The following NXPE2 variants were observed in gnomAD, a reference collection of about 807,000 sequenced individuals.
The protein encoded by NXPE2 is NXPE family member 2.
Under a neutral mutation model 34.4 loss-of-function variants are expected in NXPE2, and 34 were observed. The observed-to-expected ratio is 0.99, with a 90% CI of 0.75 to 1.31. The LOEUF (loss-of-function observed/expected upper bound fraction) is 1.31, where lower values mean the gene tolerates loss of function less well. Ranked by LOEUF, NXPE2 falls within the 40% of genes most tolerant of loss-of-function variation. The probability of loss-of-function intolerance (pLI) is 0.00; values close to 1 mark genes in which losing one functional copy is unlikely to be tolerated. For missense variants in NXPE2, 649 were observed against 672.5 expected (o/e 0.97, Z 0.39); for synonymous variants, 235 against 231.3 (o/e 1.02, Z -0.15).
At chr11:114,786,550 G>T in the NXPE2 span, among the ~76,000 whole-genome samples, 2 of 152,104 alleles carry the variant, frequency 1.3e-5, no homozygotes, top group African/African-American at 2.4e-5. Flanking sequence ...AGGAGTACAG[G>T]TTGCTAAATT....
intron 2 of NXPE2, among the ~76,000 whole-genome samples, chr11:114,689,148 GT>G (rs1565383339): frequency 6.6e-6 from 1 of 151,798 alleles, no homozygotes; most frequent in African/African-American, 2.4e-5. Context: ...ACTAGTTCTT[GT>G]TTTTCTATTT....
At chr11:114,625,688 G>T in the NXPE2 span, among the ~76,000 whole-genome samples, 1 of 152,164 alleles carries the variant, frequency 6.6e-6, no homozygotes, top group Admixed American at 6.5e-5. Flanking sequence ...TGGCCGAGTA[G>T]GAACAGCCCC....
At chr11:114,729,290 TACC>T in the NXPE2 span, among the ~76,000 whole-genome samples, 1 of 152,172 alleles carries the variant, frequency 6.6e-6, no homozygotes, top group African/African-American at 2.4e-5. Context: ...AGTGTATATG[TACC>T]ACATTTTCTT....
the NXPE2 span, among the ~76,000 whole-genome samples, chr11:114,536,046 A>G: frequency 1.3e-5 from 2 of 152,244 alleles, no homozygotes; most frequent in Non-Finnish European, 2.9e-5. Flanking sequence ...AGCACTCCTC[A>G]GCAAATGTAA....
At chr11:114,554,100 G>T in the NXPE2 span, 8 of 985,198 alleles carry the variant, frequency 8.1e-6, 1 homozygote, top group South Asian at 1.4e-4. Context: ...TGACTCACTT[G>T]TCTCCTCTCC....
chr11:114,605,493 A>G, the NXPE2 span, among the ~76,000 whole-genome samples: 1 of 151,842 alleles, frequency 6.6e-6, no homozygotes, highest in Non-Finnish European at 1.5e-5. Context: ...CCCGGTGGAT[A>G]ATAAGTGTTG....
Position 114,706,730 on chromosome 11 carries a change from G to A in NXPE2, c.1480G>A (p.Glu494Lys), listed in dbSNP as rs1012754283. ...KVILKTENTREIEQNAEMFSD... is the reference protein window; with the variant it reads ...KVILKTENTRKIEQNAEMFSD... ...GATACTTAAAACTGAAAACACCAGA[G>A]AGATAGAACAAAATGCAGAGATGTT... The change falls in exon 6 of 6, where the codon GAG becomes AAG. Residue 494 changes from glutamate to lysine, a missense_variant. Transcript: ENST00000389586. 7 of 1,552,172 alleles carry A rather than the reference G, an allele frequency of 4.5e-6. No individual in the cohort carries two copies. The highest frequency in any genetic ancestry group is 4.1e-5 in the African/African-American group (3 of 73,034).
the NXPE2 span, among the ~76,000 whole-genome samples, chr11:114,645,230 G>A: frequency 6.6e-6 from 1 of 152,196 alleles, no homozygotes; most frequent in African/African-American, 2.4e-5. Flanking sequence ...GAACCCGAGA[G>A]GCAGAAGCTG....
At chr11:114,678,945 A>AT (rs1369700213) in intron 1 of NXPE2, among the ~76,000 whole-genome samples, 2 of 146,874 alleles carry the variant, frequency 1.4e-5, no homozygotes, top group South Asian at 2.2e-4. Flanking sequence ...GTTTGTTTTT[A>AT]TTTTTTTTAC....
At chr11:114,655,976 G>T in the NXPE2 span, among the ~76,000 whole-genome samples, 1 of 152,122 alleles carries the variant, frequency 6.6e-6, no homozygotes, top group East Asian at 1.9e-4. Context: ...TAGGAAGAGA[G>T]GAAGTCAAAT....
chr11:114,725,338 T>A, the NXPE2 span, among the ~76,000 whole-genome samples: 115 of 152,234 alleles, frequency 7.6e-4, no homozygotes, highest in Non-Finnish European at 1.2e-3. Context: ...TTGGAAGCAG[T>A]CATACTCCAT....
chr11:114,464,912 A>G, the NXPE2 span, among the ~76,000 whole-genome samples: 1 of 152,194 alleles, frequency 6.6e-6, no homozygotes, highest in Non-Finnish European at 1.5e-5. Flanking sequence ...GTACTTCATA[A>G]AAGAGAAACT....
the NXPE2 span, among the ~76,000 whole-genome samples, chr11:114,502,093 A>C: frequency 6.6e-6 from 1 of 152,158 alleles, no homozygotes; most frequent in Non-Finnish European, 1.5e-5. Flanking sequence ...TCTACCCACT[A>C]AATGCCAGTT....
the NXPE2 span, among the ~76,000 whole-genome samples, chr11:114,544,180 A>G: frequency 5.3e-5 from 8 of 152,222 alleles, no homozygotes; most frequent in Non-Finnish European, 1.0e-4. Context: ...TATTGATTCA[A>G]TACCATTTCA....
At chr11:114,725,157 C>G in the NXPE2 span, among the ~76,000 whole-genome samples, 1 of 151,908 alleles carries the variant, frequency 6.6e-6, no homozygotes, top group South Asian at 2.1e-4. Context: ...ACAAGGACAG[C>G]GAAGATACTC....
the NXPE2 span, among the ~76,000 whole-genome samples, chr11:114,539,687 T>G: frequency 5.2e-4 from 79 of 152,258 alleles, no homozygotes; most frequent in Non-Finnish European, 1.1e-3. Context: ...ATATAATCAT[T>G]TATAAAGAGG....
the NXPE2 span, among the ~76,000 whole-genome samples, chr11:114,591,760 C>G: frequency 3.3e-5 from 5 of 152,056 alleles, no homozygotes; most frequent in South Asian, 2.1e-4. Flanking sequence ...ATTCCAGGCC[C>G]CTGTATGATG....
At chr11:114,756,603 A>G in the NXPE2 span, among the ~76,000 whole-genome samples, 13 of 152,298 alleles carry the variant, frequency 8.5e-5, no homozygotes, top group East Asian at 2.5e-3. Context: ...TGATGTCACT[A>G]TAAAGGTATA....
At chr11:114,807,830 G>A in the NXPE2 span, among the ~76,000 whole-genome samples, 1 of 152,042 alleles carries the variant, frequency 6.6e-6, no homozygotes, top group Non-Finnish European at 1.5e-5. Flanking sequence ...ACTCAGCTCT[G>A]CACCAAGCAG....
Sources: gnomAD v4.1 joint callset for allele counts (sites outside exome capture counted in the v4.1 genomes callset) on GRCh38, gnomAD v4.1.1 for gene constraint, MANE v1.5 for transcripts, NCBI Gene and HGNC (gene_info 2026-07-23, HGNC 2026-07-21) for gene names.